Variants in QDPR observed in about 807,000 individuals in gnomAD.
QDPR encodes dihydropteridine reductase.
QDPR carries 23 observed loss-of-function variants against 31.7 expected under a neutral mutation model. That is an observed-to-expected ratio of 0.73 (90% CI 0.52 to 1.03). The LOEUF is 1.03. Among genes scored for constraint, QDPR ranks in the 50% least tolerant of loss-of-function variants. The pLI, the probability that QDPR is intolerant of heterozygous loss-of-function variation, is 0.00. For missense variants in QDPR, 324 were observed against 323.8 expected (o/e 1.00, Z 0.00); for synonymous variants, 124 against 124.7 (o/e 0.99, Z 0.03).
chr4:17,505,860 G>A (rs1003163899), intron 2 of QDPR, among the ~76,000 whole-genome samples: 1 of 152,136 alleles, frequency 6.6e-6, no homozygotes, highest in African/African-American at 2.4e-5. Flanking sequence ...TCTTCCTTTG[G>A]TGGAGTAGTA....
intron 6 of QDPR, among the ~76,000 whole-genome samples, 179 bp from the exon 7 acceptor site, chr4:17,487,415 C>A (rs1041272546): frequency 6.6e-6 from 1 of 151,890 alleles, no homozygotes; most frequent in African/African-American, 2.4e-5. Context: ...TTTGGGAGGC[C>A]GAGGCGGGCA....
chr4:17,501,788 T>C lies in QDPR; in HGVS notation c.367A>G (p.Thr123Ala), dbSNP rs1192961315. ...WTSTISSHLA[T>A]KHLKEGGLLT... The stretch of plus-strand genomic sequence containing the variant: ...AGGCCTCCTTCCTTGAGATGCTTGG[T>C]AGCCAGATGGCTGGAGATGGTCGAT... Residue 123 changes from threonine to alanine, a missense_variant, in exon 4 of 7, where the codon ACC becomes GCC. Thr to Ala is a moderately conservative substitution (Grantham distance 58, BLOSUM62 0). Transcript: ENST00000281243. 1 of 1,614,066 alleles carries C rather than the reference T, an allele frequency of 6.2e-7. No individual in the cohort carries two copies. Among genetic ancestry groups the C allele is most frequent in the Non-Finnish European group, 8.5e-7 (1 of 1,180,034 alleles).
chr4:17,504,720 T>C (rs533375176), intron 2 of QDPR, among the ~76,000 whole-genome samples: 3 of 152,006 alleles, frequency 2.0e-5, no homozygotes, highest in South Asian at 4.2e-4. Flanking sequence ...TTCTGAAAGG[T>C]AGAGACATGA....
chr4:17,506,199 G>A (rs1168792236), intron 2 of QDPR, among the ~76,000 whole-genome samples: 7 of 152,024 alleles, frequency 4.6e-5, no homozygotes, highest in Admixed American at 3.3e-4. Context: ...GCATGATCTC[G>A]GCTCATTGCA....
At chr4:17,498,649 T>A (rs1417295891) in intron 4 of QDPR, among the ~76,000 whole-genome samples, 1 of 152,250 alleles carries the variant, frequency 6.6e-6, no homozygotes, top group Non-Finnish European at 1.5e-5. Flanking sequence ...TACTGAATGA[T>A]CAGTGTGGTC....
At chr4:17,506,405 A>C (rs1718789878) in intron 2 of QDPR, among the ~76,000 whole-genome samples, 1 of 152,206 alleles carries the variant, frequency 6.6e-6, no homozygotes, top group South Asian at 2.1e-4. Context: ...TGCTGGGACT[A>C]CTGGCATGAG....
At chr4:17,490,241 A>G (rs1410966724) in intron 6 of QDPR, 1 of 267,288 alleles carries the variant, frequency 3.7e-6, no homozygotes, top group Non-Finnish European at 7.5e-6. Context: ...GAGTCTCCTC[A>G]TCACAGCAGT....
At position 17,492,333 on chromosome 4, in the gene QDPR, G is replaced by A. The variant is rs754982401; in HGVS notation, c.444C>T (p.Ile148=). ...CAGCACCCTTGGCCATGCCGTACCCGATCATACCTGGGAAATGGGGAGAAG... is the reference window on the plus strand; with the variant it reads ...CAGCACCCTTGGCCATGCCGTACCCAATCATACCTGGGAAATGGGGAGAAG... The part of the protein sequence containing the change: ...KAALDGTPGM[I]GYGMAKGAVH... The change falls in exon 5 of 7, where the codon ATC becomes ATT. Residue 148 remains isoleucine (I), a synonymous_variant. Transcript: ENST00000281243. 1.2e-5 allele frequency: 20 copies of A among 1,613,886 alleles called. No individual in the cohort carries two copies. The highest frequency in any genetic ancestry group is 2.2e-5 in the East Asian group (1 of 44,892).
intron 5 of QDPR, 94 bp from the exon 6 acceptor site, chr4:17,490,839 C>A: frequency 1.1e-6 from 1 of 888,204 alleles, no homozygotes; most frequent in Admixed American, 2.0e-5. Context: ...AAACATACAG[C>A]AGGACAACCT....
chr4:17,499,206 G>C (rs373399872), intron 4 of QDPR, among the ~76,000 whole-genome samples: 1 of 152,116 alleles, frequency 6.6e-6, no homozygotes, highest in Admixed American at 6.5e-5. Flanking sequence ...TCAGAAAGGC[G>C]AAGTAACTTG....
intron 2 of QDPR, among the ~76,000 whole-genome samples, chr4:17,504,818 A>C (rs10004095): frequency 0.11 from 16,389 of 152,184 alleles, 1,797 homozygotes; most frequent in East Asian, 0.44. Context: ...CACTGCCTGC[A>C]CATAGTTAAC....
chr4:17,491,230 A>G (rs1306351374), intron 5 of QDPR, among the ~76,000 whole-genome samples: 1 of 152,234 alleles, frequency 6.6e-6, no homozygotes, highest in Non-Finnish European at 1.5e-5. Context: ...TAGAATTCAG[A>G]TATGCATGAA....
chr4:17,511,636 C>T (rs183379148), intron 1 of QDPR, among the ~76,000 whole-genome samples: 14 of 152,308 alleles, frequency 9.2e-5, no homozygotes, highest in Non-Finnish European at 1.3e-4. Context: ...TCTACACTCT[C>T]TCTCCGTCCT....
At chr4:17,491,918 A>G (rs1336466740) in intron 5 of QDPR, among the ~76,000 whole-genome samples, 1 of 152,184 alleles carries the variant, frequency 6.6e-6, no homozygotes, top group Non-Finnish European at 1.5e-5. Context: ...GTGTGAGCAC[A>G]TATAGAAGGC....
At chr4:17,491,130 T>C (rs954878123) in intron 5 of QDPR, among the ~76,000 whole-genome samples, 36 of 152,374 alleles carry the variant, frequency 2.4e-4, no homozygotes, top group African/African-American at 8.4e-4. Flanking sequence ...AAGATAGTTA[T>C]ATGCCTTTAA....
chr4:17,501,806 T>C lies in QDPR; in HGVS notation c.349A>G (p.Ile117Val). 6 of 1,614,200 alleles carry C rather than the reference T, an allele frequency of 3.7e-6. No homozygotes were observed. Among genetic ancestry groups the C allele is most frequent in the Non-Finnish European group, 5.1e-6 (6 of 1,180,038 alleles). ...MWKQSIWTST[I>V]SSHLATKHLK... ...TGCTTGGTAGCCAGATGGCTGGAGA[T>C]GGTCGATGTCCATATGCTCTGCTTC... The change falls in exon 4 of 7, where the codon ATC becomes GTC. Residue 117 changes from isoleucine to valine, a missense_variant. Coordinates refer to ENST00000281243, the MANE Select transcript of QDPR (RefSeq NM_000320.3).
intron 4 of QDPR, among the ~76,000 whole-genome samples, chr4:17,493,856 T>A (rs1577186774): frequency 2.0e-5 from 3 of 152,252 alleles, no homozygotes; most frequent in African/African-American, 4.8e-5. Context: ...AGTAGCTCCA[T>A]CCTGAGGCTG....
intron 1 of QDPR, among the ~76,000 whole-genome samples, chr4:17,510,446 A>C (rs1718965549): frequency 6.6e-6 from 1 of 152,206 alleles, no homozygotes; most frequent in African/African-American, 2.4e-5. Flanking sequence ...CCCCAGAGAT[A>C]ATTATCTCTA....
chr4:17,487,744 CTTGAGCCCAGGTGT>C (rs1321015762), intron 6 of QDPR, among the ~76,000 whole-genome samples: 1 of 152,162 alleles, frequency 6.6e-6, no homozygotes, highest in Non-Finnish European at 1.5e-5. Flanking sequence ...GGGCGGATCG[CTTGAGCCCAGGTGT>C]TTGAGGCCAG....
Sources: allele counts gnomAD v4.1 joint callset (sites outside exome capture counted in the v4.1 genomes callset), GRCh38; gene constraint gnomAD v4.1.1; transcripts MANE v1.5; gene names NCBI Gene and HGNC (gene_info 2026-07-23, HGNC 2026-07-21).